The following PTPN21 variants were observed in gnomAD, a reference collection of about 807,000 sequenced individuals.
The protein encoded by PTPN21 is tyrosine-protein phosphatase non-receptor type 21.
A neutral mutation model predicts 131.8 loss-of-function variants in PTPN21; 77 were observed. The ratio of observed to expected loss-of-function variants is 0.58; its 90% CI spans 0.49 to 0.71. The LOEUF (loss-of-function observed/expected upper bound fraction) is 0.71, where lower values mean the gene tolerates loss of function less well. PTPN21 is among the 30% of genes least tolerant of loss of function. The probability of loss-of-function intolerance (pLI) is 0.00; values close to 1 mark genes in which losing one functional copy is unlikely to be tolerated. For missense variants in PTPN21, 1,552 were observed against 1,527.1 expected (o/e 1.02, Z -0.27); for synonymous variants, 715 against 621.3 (o/e 1.15, Z -2.24).
chr14:88,515,398 C>T (rs938372060), intron 3 of PTPN21: 5 of 152,128 alleles, frequency 3.3e-5, no homozygotes, highest in East Asian at 1.9e-4. Flanking sequence ...AACTGGTGTC[C>T]TGCCTATAGT....
intron 2 of PTPN21, among the ~76,000 whole-genome samples, chr14:88,521,156 A>T (rs2078385384): frequency 6.6e-6 from 1 of 151,966 alleles, no homozygotes; most frequent in Non-Finnish European, 1.5e-5. Context: ...AAACCACTAT[A>T]TTTTTAAAAA....
At chr14:88,539,539 C>T (rs530484016) in intron 2 of PTPN21, among the ~76,000 whole-genome samples, 4 of 152,262 alleles carry the variant, frequency 2.6e-5, no homozygotes, top group Admixed American at 6.5e-5. Context: ...TGAGCCACCA[C>T]GCCTGGCCTT....
intron 1 of PTPN21, among the ~76,000 whole-genome samples, chr14:88,554,156 T>C (rs192059353): frequency 6.6e-6 from 1 of 152,192 alleles, no homozygotes; most frequent in Admixed American, 6.5e-5. Flanking sequence ...AAAAAGAAAA[T>C]AGGACGAGCA....
chr14:88,473,723 C>G lies in PTPN21; in HGVS notation c.2591G>C (p.Arg864Pro). The change falls in exon 14 of 19, where the codon CGA (arginine) becomes CCA (proline). Residue 864 changes from arginine (R) to proline (P), a missense_variant. Around this residue, in one of 4 missense-constraint regions of PTPN21, gnomAD observed 1,016 missense variants for 883.5 expected, o/e 1.15. Coordinates refer to ENST00000556564, the MANE Select transcript of PTPN21 (RefSeq NM_007039.4). ...CTTTCCTTCATCAGGCAGAGGCACT[C>G]GAGATAGGGAGAGTCCATTTAGGGC... Reference protein sequence around the residue: ...LAALNGLSLSRVPLPDEGKEV... With the variant: ...LAALNGLSLSPVPLPDEGKEV... 1 of 1,612,014 alleles carries G rather than the reference C, an allele frequency of 6.2e-7. No homozygotes were observed. The highest frequency in any genetic ancestry group is 8.5e-7 in the Non-Finnish European group (1 of 1,179,628).
chr14:88,518,938 A>G (rs747076895), intron 2 of PTPN21, among the ~76,000 whole-genome samples: 40 of 152,094 alleles, frequency 2.6e-4, no homozygotes, highest in Non-Finnish European at 5.1e-4. Flanking sequence ...CACATTTAAA[A>G]CAATTATAAT....
At position 88,489,980 on chromosome 14, in the gene PTPN21, TG is replaced by T. The variant is rs550313933; in HGVS notation, c.933-4139del. 2.7e-4 allele frequency among the ~76,000 whole-genome samples: 40 copies of T among 150,866 alleles called. No individual in the cohort carries two copies. In the East Asian group the frequency reaches 7.6e-3, roughly 29 times the overall value. ...ATACTGATGGAGGGAGAGGCCCTAG[TG>T]TCACTCCAGCCCCATGAAATGTGTG... On this transcript the variant is annotated intron_variant, in intron 10 of 18. Coordinates refer to ENST00000556564, the MANE Select transcript of PTPN21 (RefSeq NM_007039.4).
At chr14:88,507,085 T>C (rs1010361459) in intron 4 of PTPN21, among the ~76,000 whole-genome samples, 13 of 151,930 alleles carry the variant, frequency 8.6e-5, no homozygotes, top group African/African-American at 3.1e-4. Context: ...GAAGAACTTA[T>C]TCATGTAAGC....
chr14:88,508,350 CA>C (rs1375978382), intron 3 of PTPN21, among the ~76,000 whole-genome samples: 2 of 151,920 alleles, frequency 1.3e-5, no homozygotes, highest in African/African-American at 4.8e-5. Flanking sequence ...GGAGTTTCAC[CA>C]TGTTGCCCAG....
chr14:88,517,652 G>GTATATATACAGGTGTACATATACA (rs6145435), intron 2 of PTPN21, among the ~76,000 whole-genome samples: 2 of 139,218 alleles, frequency 1.4e-5, no homozygotes, highest in African/African-American at 5.3e-5. Context: ...TCATATATAT[G>GTATATATACAGGTGTACATATACA]TATATATACA....
chr14:88,479,772 C>T lies in PTPN21; in HGVS notation c.1659G>A (p.Pro553=), dbSNP rs754898784. Residue 553 remains proline (P), a synonymous_variant, in exon 13 of 19, where the codon CCG becomes CCA. Coordinates refer to ENST00000556564, the MANE Select transcript of PTPN21 (RefSeq NM_007039.4). ...TNAQLQAQDY[P]SPNIMRTQVY... ...CCTGCGTCCGCATGATGTTGGGAGA[C>T]GGGTAGTCCTGCGCCTGCAGCTGCG... 6.5e-7 allele frequency: 1 copy of T among 1,544,608 alleles called. No individual in the cohort carries two copies. The highest frequency in any genetic ancestry group is 1.8e-5 in the Admixed American group (1 of 54,154).
rs1175421332 is a variant in PTPN21, at chr14:88,470,329, A to G, written c.2872-279T>C. On this transcript the variant is annotated intron_variant, in intron 15 of 18. Coordinates refer to ENST00000556564, the MANE Select transcript of PTPN21 (RefSeq NM_007039.4). ...CTGAATGTCAGTTCTCATTTATACAATAAAGATACTGCCTACCGTCATAGG... is the reference window on the plus strand; with the variant it reads ...CTGAATGTCAGTTCTCATTTATACAGTAAAGATACTGCCTACCGTCATAGG... The G allele has an allele frequency of 9.8e-6, 4 of 409,464 alleles. No homozygotes were observed. In the East Asian group the frequency reaches 1.5e-4, roughly 16 times the overall value. 25.4% of individuals were successfully genotyped at this position (409,464 alleles called of 1,614,324 possible). A position where few individuals can be genotyped will look rare whatever the true frequency, so the allele number is the denominator to read the frequency against.
chr14:88,526,419 G>A (rs1231752316), intron 2 of PTPN21, among the ~76,000 whole-genome samples: 1 of 151,578 alleles, frequency 6.6e-6, no homozygotes, highest in African/African-American at 2.4e-5. Context: ...GCATGGTGGT[G>A]TGCACCTGTA....
chr14:88,534,351 C>T (rs1215204517), intron 2 of PTPN21, among the ~76,000 whole-genome samples: 1 of 150,464 alleles, frequency 6.6e-6, no homozygotes, highest in African/African-American at 2.5e-5. Context: ...CAACTGTACC[C>T]CAGCCTGGGC....
chr14:88,534,722 A>C (rs2078604838), intron 2 of PTPN21, among the ~76,000 whole-genome samples: 1 of 151,442 alleles, frequency 6.6e-6, no homozygotes, highest in African/African-American at 2.4e-5. Flanking sequence ...AAAACTACAA[A>C]AATTAGCCAG....
At chr14:88,481,378 G>A (rs548403882) in intron 12 of PTPN21, among the ~76,000 whole-genome samples, 120 of 152,260 alleles carry the variant, frequency 7.9e-4, no homozygotes, top group African/African-American at 2.5e-3. Flanking sequence ...TGCAAAGCTT[G>A]GTCATGGCTC....
intron 2 of PTPN21, among the ~76,000 whole-genome samples, chr14:88,534,050 A>G (rs1455712585): frequency 1.3e-5 from 2 of 152,124 alleles, no homozygotes; most frequent in African/African-American, 2.4e-5. Context: ...GGCTAGGCTA[A>G]TATGTGTGTC....
rs766839446 is a variant in PTPN21 at position 88,469,002 on chromosome 14, A to G, written c.3310T>C (p.Leu1104=). The G allele has an allele frequency of 2.5e-6, 4 of 1,613,886 alleles. No individual in the cohort carries two copies. The highest frequency in any genetic ancestry group is 3.4e-6 in the Non-Finnish European group (4 of 1,179,938). ...ACCCCAGCACTGCAGTGGACCAACA[A>G]CGGAGGGTTGGGGCTTTGGGGATCA... ...TSDPQSPNPP[L]LVHCSAGVGR... The change falls in exon 18 of 19, where the codon TTG becomes CTG. Residue 1104 remains leucine (L), a synonymous_variant. Coordinates refer to ENST00000556564, the MANE Select transcript of PTPN21 (RefSeq NM_007039.4). The surrounding 1 kb of genome is among the most constrained non-coding windows in gnomAD (Gnocchi z 4.3).
chr14:88,473,608 G>T (rs1184884584), intron 14 of PTPN21, 57 bp downstream of exon 14: 1 of 1,551,112 alleles, frequency 6.4e-7, no homozygotes, highest in Non-Finnish European at 8.7e-7. Flanking sequence ...AGGCATTTGC[G>T]TAGTATTTAC....
At position 88,468,050 on chromosome 14, in the gene PTPN21, T is replaced by C; in HGVS notation, c.*87A>G. ...AGTGCCACGCTGCGTGGATCAAGTG[T>C]CAACGGGAAAGTATGAGTTAGGCAA... On this transcript the variant is annotated 3_prime_UTR_variant, in exon 19 of 19. Coordinates refer to ENST00000556564, the MANE Select transcript of PTPN21 (RefSeq NM_007039.4). 1 of 1,499,376 alleles carries C rather than the reference T, an allele frequency of 6.7e-7. No homozygotes were observed. The highest frequency in any genetic ancestry group is 2.3e-5 in the East Asian group (1 of 44,176). The allele number at this position is 1,499,376 out of a possible 1,614,324, so 92.9% of individuals were successfully genotyped here.
Sources: allele counts gnomAD v4.1 joint callset (sites outside exome capture counted in the v4.1 genomes callset), GRCh38; gene constraint gnomAD v4.1.1; regional missense constraint gnomAD v4.1.1; non-coding constraint Gnocchi (gnomAD v3.1); transcripts MANE v1.5; gene names NCBI Gene and HGNC (gene_info 2026-07-23, HGNC 2026-07-21).